Variants in PTBP3 observed in about 807,000 individuals in gnomAD.
PTBP3 encodes polypyrimidine tract-binding protein 3.
PTBP3 carries 20 observed loss-of-function variants against 58.7 expected under a neutral mutation model. The observed-to-expected ratio is 0.34, with a 90% CI of 0.24 to 0.50. PTBP3 has a LOEUF of 0.50. Ranked by LOEUF, PTBP3 falls within the 20% of genes least tolerant of loss-of-function variation. PTBP3 has a pLI of 0.98. For synonymous variants in PTBP3, 185 were observed against 219.8 expected, an observed-to-expected ratio of 0.84 and a Z score of 1.40; for missense variants, 509 against 637.2, an observed-to-expected ratio of 0.80 and a Z score of 2.17.
chr9:112,290,707 T>TACACACACACACACACACACAC (rs60262490), intron 2 of PTBP3, among the ~76,000 whole-genome samples: 6 of 110,866 alleles, frequency 5.4e-5, no homozygotes, highest in Admixed American at 1.0e-4. Flanking sequence ...TATATATATA[T>TACACACACACACACACACACAC]ACACACACAC....
intron 4 of PTBP3, among the ~76,000 whole-genome samples, chr9:112,264,525 G>A (rs1836720985): frequency 6.6e-6 from 1 of 152,142 alleles, no homozygotes; most frequent in Non-Finnish European, 1.5e-5. Context: ...CATATTTTGG[G>A]ATAGCTTGCT....
At chr9:112,353,317 G>A in the PTBP3 span, among the ~76,000 whole-genome samples, 19 of 152,294 alleles carry the variant, frequency 1.2e-4, no homozygotes, top group Admixed American at 7.2e-4. Flanking sequence ...TCACTAGCTT[G>A]TGAGTTACCC....
Position 112,223,236 on chromosome 9 carries a change from T to G in PTBP3, c.*615A>C. The G allele has an allele frequency of 1.1e-6, 1 of 939,070 alleles. No individual in the cohort carries two copies. Among genetic ancestry groups the G allele is most frequent in the Non-Finnish European group, 1.3e-6 (1 of 787,574 alleles). 58.2% of individuals were successfully genotyped at this position (939,070 alleles called of 1,614,324 possible). A position where few individuals can be genotyped will look rare whatever the true frequency, so the allele number is the denominator to read the frequency against. On this transcript the variant is annotated 3_prime_UTR_variant, in exon 14 of 14. Transcript: ENST00000374257. ...TAAAGATAGGCATTATTTAAAGGAG[T>G]GTCTTACAGTGAAAAAAAGAAATCA...
At chr9:112,246,416 C>G (rs1835877905) in intron 7 of PTBP3, among the ~76,000 whole-genome samples, 1 of 152,012 alleles carries the variant, frequency 6.6e-6, no homozygotes, top group African/African-American at 2.4e-5. Flanking sequence ...AAAGGTAGGA[C>G]AGGCGCGGTG....
chr9:112,243,371 T>C (rs774083595), intron 7 of PTBP3, among the ~76,000 whole-genome samples: 1 of 152,054 alleles, frequency 6.6e-6, no homozygotes, highest in Non-Finnish European at 1.5e-5. Context: ...TGAAACCCCA[T>C]CTCTACTAAA....
Position 112,272,205 on chromosome 9 carries a change from G to T in PTBP3, c.204+3639C>A, listed in dbSNP as rs140330106. 1.5e-3 allele frequency among the ~76,000 whole-genome samples: 228 copies of T among 152,106 alleles called. 4 individuals carry two copies. The highest frequency in any genetic ancestry group is 0.012 in the East Asian group (62 of 5,176). Reference sequence around the variant, plus strand: ...AGCCTCCCAAGTGGCTGGGACTACAGGTGGGTGCCGCCACACTTGGCTAAT... The same window carrying T: ...AGCCTCCCAAGTGGCTGGGACTACATGTGGGTGCCGCCACACTTGGCTAAT... On this transcript the variant is annotated intron_variant, in intron 3 of 13. Coordinates refer to ENST00000374257, the MANE Select transcript of PTBP3 (RefSeq NM_001163788.4).
chr9:112,253,578 T>C (rs1334779014), intron 5 of PTBP3, among the ~76,000 whole-genome samples: 1 of 152,198 alleles, frequency 6.6e-6, no homozygotes, highest in Non-Finnish European at 1.5e-5. Context: ...TTTACTCTGT[T>C]GATATGGTTT....
rs763697378 is a variant in PTBP3 at position 112,222,788 on chromosome 9, CATA to C, written c.*1060_*1062del. On this transcript the variant is annotated 3_prime_UTR_variant, in exon 14 of 14. Transcript: ENST00000374257. ...ACTCTAACCTATTGTATCTTAAGCA[CATA>C]ATAAGGCACATAATAAGAAATTAAG... 3.1e-4 allele frequency: 288 copies of C among 922,410 alleles called. No individual in the cohort carries two copies. Among genetic ancestry groups the C allele is most frequent in the Non-Finnish European group, 3.7e-4 (283 of 772,536 alleles). 57.1% of individuals were successfully genotyped at this position (922,410 alleles called of 1,614,324 possible). A position where few individuals can be genotyped will look rare whatever the true frequency, so the allele number is the denominator to read the frequency against.
intron 2 of PTBP3, among the ~76,000 whole-genome samples, chr9:112,285,265 C>T (rs556478499): frequency 2.6e-5 from 4 of 152,314 alleles, no homozygotes; most frequent in South Asian, 2.1e-4. Context: ...CACTCTCTCT[C>T]GCCTGCTGCC....
At chr9:112,249,047 A>G (rs1191665256) in intron 7 of PTBP3, among the ~76,000 whole-genome samples, 2 of 152,238 alleles carry the variant, frequency 1.3e-5, no homozygotes, top group Non-Finnish European at 2.9e-5. Flanking sequence ...GGTTCTAAAT[A>G]CAGCTTTAAA....
the PTBP3 span, among the ~76,000 whole-genome samples, chr9:112,366,585 A>G: frequency 1.3e-5 from 2 of 152,266 alleles, no homozygotes; most frequent in East Asian, 3.9e-4. Flanking sequence ...GCAAGTTCAC[A>G]GAAGATTTGG....
intron 1 of PTBP3, among the ~76,000 whole-genome samples, chr9:112,302,780 G>C (rs972440664): frequency 1.8e-4 from 28 of 151,976 alleles, no homozygotes; most frequent in African/African-American, 6.3e-4. Flanking sequence ...GGTAGAGACA[G>C]GGTTTCACCC....
At chr9:112,352,216 T>C in the PTBP3 span, among the ~76,000 whole-genome samples, 2 of 152,204 alleles carry the variant, frequency 1.3e-5, no homozygotes, top group Non-Finnish European at 2.9e-5. Flanking sequence ...CACTGTACCC[T>C]GCCTGGTTCC....
chr9:112,231,299 A>C (rs539208163), intron 10 of PTBP3, 81 bp downstream of exon 10: 2 of 1,173,850 alleles, frequency 1.7e-6, no homozygotes, highest in East Asian at 4.9e-5. Flanking sequence ...ACACAGAAGT[A>C]ATCAATACAT....
intron 7 of PTBP3, among the ~76,000 whole-genome samples, chr9:112,236,826 C>A (rs1835456976): frequency 6.6e-6 from 1 of 152,066 alleles, no homozygotes; most frequent in Non-Finnish European, 1.5e-5. Context: ...CGACTCTCTG[C>A]CCCAAGAATG....
rs56052359 is a variant in PTBP3, at chr9:112,244,289, C to CAAAAAAAAAAAAAAAAAAAAAAAAAA, written c.802+6639_802+6640insTTTTTTTTTTTTTTTTTTTTTTTTTT. Among the ~76,000 whole-genome samples the CAAAAAAAAAAAAAAAAAAAAAAAAAA allele has an allele frequency of 1.5e-3, 55 of 36,278 alleles. 6 individuals carry two copies. The highest frequency in any genetic ancestry group is 2.7e-3 in the Admixed American group (8 of 2,930). 23.8% of individuals were successfully genotyped at this position (36,278 alleles called of 152,430 possible). On this transcript the variant is annotated intron_variant, in intron 7 of 13. Coordinates refer to ENST00000374257, the MANE Select transcript of PTBP3 (RefSeq NM_001163788.4). ...TGGGCAACAGAGTGAGACTCTGTCTCAAAAAAAAAAAAAAAAAAGTTCTCA... is the reference window on the plus strand; with the variant it reads ...TGGGCAACAGAGTGAGACTCTGTCTCAAAAAAAAAAAAAAAAAAAAAAAAAAAAAAAAAAAAAAAAAAAAGTTCTCA...
In PTBP3 at chr9:112,224,249, A is replaced by G. The variant is rs750531926; in HGVS notation, c.1365-39T>C. ...AGAGGGAGTCAACTACCTGGGCCGC[A>G]TTCTCAAGTGAAGCAGATTAACTCT... On this transcript the variant is annotated intron_variant, in intron 12 of 13. Coordinates refer to ENST00000374257, the MANE Select transcript of PTBP3 (RefSeq NM_001163788.4). 4.7e-6 allele frequency: 6 copies of G among 1,272,098 alleles called. No individual in the cohort carries two copies. The South Asian group carries it at 6.2e-5, about 13-fold the overall frequency. 78.8% of individuals were successfully genotyped at this position (1,272,098 alleles called of 1,614,324 possible).
At chr9:112,340,904 A>C in the PTBP3 span, among the ~76,000 whole-genome samples, 2 of 152,072 alleles carry the variant, frequency 1.3e-5, no homozygotes, top group African/African-American at 4.8e-5. Flanking sequence ...AAAATAAAAT[A>C]AAATCTCTTG....
At chr9:112,300,189 A>G (rs142574388) in intron 1 of PTBP3, among the ~76,000 whole-genome samples, 29 of 152,328 alleles carry the variant, frequency 1.9e-4, no homozygotes, top group Middle Eastern at 3.4e-3. Context: ...AAACTGTCTG[A>G]TCCAATCTAT....
Sources: allele counts gnomAD v4.1 joint callset (sites outside exome capture counted in the v4.1 genomes callset), GRCh38; gene constraint gnomAD v4.1.1; transcripts MANE v1.5; gene names NCBI Gene and HGNC (gene_info 2026-07-23, HGNC 2026-07-21).